The following CAMTA1 variants were observed in gnomAD, a reference collection of about 807,000 sequenced individuals.
CAMTA1 encodes calmodulin-binding transcription activator 1.
In CAMTA1, 27 loss-of-function variants were observed where a neutral mutation model predicts 170.9. The observed-to-expected ratio is 0.16, with a 90% CI of 0.12 to 0.22. The LOEUF (loss-of-function observed/expected upper bound fraction) is 0.22. Among genes scored for constraint, CAMTA1 ranks in the 10% least tolerant of loss-of-function variants. The probability of loss-of-function intolerance (pLI) is 1.00; values close to 1 mark genes in which losing one functional copy is unlikely to be tolerated. For missense variants in CAMTA1, 1,619 were observed against 2,217.2 expected, an observed-to-expected ratio of 0.73 and a Z score of 5.42; for synonymous variants, 833 against 891.5, an observed-to-expected ratio of 0.93 and a Z score of 1.17.
chr1:7,371,751 G>A (rs553428206), intron 5 of CAMTA1, among the ~76,000 whole-genome samples: 1 of 152,316 alleles, frequency 6.6e-6, no homozygotes, highest in African/African-American at 2.4e-5. Context: ...AGATGAACCC[G>A]TTTCCATGAT....
At chr1:7,728,770 A>G (rs1482986816) in intron 11 of CAMTA1, among the ~76,000 whole-genome samples, 1 of 152,186 alleles carries the variant, frequency 6.6e-6, no homozygotes, top group African/African-American at 2.4e-5. Flanking sequence ...CATGGAAGAG[A>G]CCTGTGATCT....
intron 4 of CAMTA1, among the ~76,000 whole-genome samples, chr1:7,197,678 A>ACACACACACACACACACACACACT (rs57819326): frequency 7.2e-6 from 1 of 139,138 alleles, no homozygotes; most frequent in East Asian, 2.2e-4. Flanking sequence ...ACACACACAC[A>ACACACACACACACACACACACACT]ATCTACTTGC....
intron 4 of CAMTA1, among the ~76,000 whole-genome samples, chr1:7,163,175 G>A (rs958400622): frequency 5.3e-5 from 8 of 151,924 alleles, no homozygotes; most frequent in Admixed American, 5.2e-4. Context: ...GAATGACTGG[G>A]TGATAGTCCT....
chr1:7,645,799 C>T (rs1428431792), intron 7 of CAMTA1, among the ~76,000 whole-genome samples: 1 of 152,276 alleles, frequency 6.6e-6, no homozygotes, highest in Non-Finnish European at 1.5e-5. Flanking sequence ...AGCCCCAGGG[C>T]CTACGCCCAC....
At chr1:7,360,033 T>C (rs952180575) in intron 5 of CAMTA1, among the ~76,000 whole-genome samples, 1 of 152,282 alleles carries the variant, frequency 6.6e-6, no homozygotes, top group South Asian at 2.1e-4. Context: ...TCAGTGTTCC[T>C]TGGCTTGTAG....
At chr1:7,478,199 C>T (rs911433564) in intron 6 of CAMTA1, among the ~76,000 whole-genome samples, 7 of 152,034 alleles carry the variant, frequency 4.6e-5, no homozygotes, top group East Asian at 1.9e-4. Context: ...TAGCAGTGGT[C>T]GGGGAAGGGG....
At chr1:7,605,151 A>T (rs2150607196) in intron 6 of CAMTA1, among the ~76,000 whole-genome samples, 3 of 152,336 alleles carry the variant, frequency 2.0e-5, no homozygotes, top group Middle Eastern at 6.8e-3. Context: ...TTGAGGACGC[A>T]GTCTGTCCAT....
rs967319317 is a variant in CAMTA1 at position 7,050,986 on chromosome 1, G to A, written c.235-40318G>A. ...GAGAATGACTGTGCTGCCTCTTTCC[G>A]GGGTGTAATTTGAGTTTGCATGTGG... On this transcript the variant is annotated intron_variant, in intron 3 of 22. Coordinates refer to ENST00000303635, the MANE Select transcript of CAMTA1 (RefSeq NM_015215.4). The surrounding 1 kb of genome is among the most constrained non-coding windows in gnomAD (Gnocchi z 4.8). 3.9e-5 allele frequency among the ~76,000 whole-genome samples: 6 copies of A among 152,190 alleles called. No individual in the cohort carries two copies. Among genetic ancestry groups the A allele is most frequent in the African/African-American group, 9.7e-5 (4 of 41,434 alleles).
At chr1:7,765,280 G>C (rs1312011519) in intron 22 of CAMTA1, among the ~76,000 whole-genome samples, 1 of 152,162 alleles carries the variant, frequency 6.6e-6, no homozygotes, top group African/African-American at 2.4e-5. Flanking sequence ...AATTGTCAGT[G>C]TAGAGAAATA....
chr1:7,433,678 T>C (rs2092255345), intron 5 of CAMTA1, among the ~76,000 whole-genome samples: 1 of 152,206 alleles, frequency 6.6e-6, no homozygotes, highest in Admixed American at 6.5e-5. Context: ...TCCATTTAGA[T>C]AATATCATTG....
In CAMTA1 at chr1:7,576,828, T is replaced by C. The variant is rs57511197; in HGVS notation, c.511-63572T>C. On this transcript the variant is annotated intron_variant, in intron 6 of 22. Coordinates refer to ENST00000303635, the MANE Select transcript of CAMTA1 (RefSeq NM_015215.4). ...CAGGAAGGTCGGATTGTAGGAAAGA[T>C]TGCCTGGCAGGGGTGTGCAGGATCC... Among the ~76,000 whole-genome samples, 594 of 152,102 alleles carry C rather than the reference T, an allele frequency of 3.9e-3. 5 individuals are homozygous for C. The highest frequency in any genetic ancestry group is 0.013 in the African/African-American group (543 of 41,492).
rs1391169518 is a variant in CAMTA1 at position 7,216,856 on chromosome 1, C to T, written c.303-32635C>T. 6.6e-6 allele frequency among the ~76,000 whole-genome samples: 1 copy of T among 152,114 alleles called. No homozygotes were observed. Among genetic ancestry groups the T allele is most frequent in the Non-Finnish European group, 1.5e-5 (1 of 68,028 alleles). ...AAAGTGGTTGTAGTCTTGTTTGGTG[C>T]ACTAATACTCATTATGGTTATATTT... On this transcript the variant is annotated intron_variant, in intron 4 of 22. Coordinates refer to ENST00000303635, the MANE Select transcript of CAMTA1 (RefSeq NM_015215.4). The surrounding 1 kb of genome is among the most constrained non-coding windows in gnomAD (Gnocchi z 4.0).
intron 5 of CAMTA1, among the ~76,000 whole-genome samples, chr1:7,348,583 C>A (rs113422204): frequency 8.3e-4 from 127 of 152,342 alleles, no homozygotes; most frequent in African/African-American, 2.9e-3. Flanking sequence ...GTGGTCCCTG[C>A]AGGAGAACTT....
At chr1:7,077,274 G>C (rs1558062904) in intron 3 of CAMTA1, among the ~76,000 whole-genome samples, 2 of 132,176 alleles carry the variant, frequency 1.5e-5, no homozygotes, top group East Asian at 2.4e-4. Context: ...TATGAAAGAA[G>C]CTTCTGTTTT....
rs1035249810 is a variant in CAMTA1, at chr1:6,786,326, C to G, written c.45+751C>G. 3.3e-5 allele frequency among the ~76,000 whole-genome samples: 5 copies of G among 152,126 alleles called. No individual in the cohort carries two copies. In the South Asian group the frequency reaches 1.0e-3, roughly 31 times the overall value. On this transcript the variant is annotated intron_variant, in intron 1 of 22. Coordinates refer to ENST00000303635, the MANE Select transcript of CAMTA1 (RefSeq NM_015215.4). ...CAGTCGTTCACATCCTACTCTTGCC[C>G]TTGCACCCTCACAGCCAGGAGGGTG... is the stretch of plus-strand genomic sequence containing the variant.
At position 7,562,217 on chromosome 1, in the gene CAMTA1, T is replaced by A. The variant is rs146311536; in HGVS notation, c.511-78183T>A. On this transcript the variant is annotated intron_variant, in intron 6 of 22. Coordinates refer to ENST00000303635, the MANE Select transcript of CAMTA1 (RefSeq NM_015215.4). This position sits in a 1 kb window ranked among gnomAD's most constrained non-coding sequence, Gnocchi z 4.8. ...CCGGCCCCTCCCAAATCTGCTATTG[T>A]AAGCACTACACAAAACTTTAAAGAA... Among the ~76,000 whole-genome samples, 264 of 152,340 alleles carry A rather than the reference T, an allele frequency of 1.7e-3. 1 individual carries two copies. Among genetic ancestry groups the A allele is most frequent in the African/African-American group, 6.3e-3 (260 of 41,584 alleles).
At chr1:7,316,848 TGA>T (rs1257597441) in intron 5 of CAMTA1, among the ~76,000 whole-genome samples, 2 of 152,146 alleles carry the variant, frequency 1.3e-5, no homozygotes, top group African/African-American at 4.8e-5. Flanking sequence ...CAGAGGCTTT[TGA>T]GCTGAAACTT....
chr1:7,094,620 G>A (rs1641851869), intron 4 of CAMTA1, among the ~76,000 whole-genome samples: 1 of 152,118 alleles, frequency 6.6e-6, no homozygotes, highest in Non-Finnish European at 1.5e-5. Context: ...TATAAATATA[G>A]TCCTTGCTCA....
intron 5 of CAMTA1, among the ~76,000 whole-genome samples, chr1:7,460,435 C>G (rs908244257): frequency 3.3e-5 from 5 of 152,228 alleles, no homozygotes; most frequent in Admixed American, 1.3e-4. Context: ...TCTCTCTCCT[C>G]TACGAGACTG....
Sources: allele counts gnomAD v4.1 joint callset (sites outside exome capture counted in the v4.1 genomes callset), GRCh38; gene constraint gnomAD v4.1.1; non-coding constraint Gnocchi (gnomAD v3.1); transcripts MANE v1.5; gene names NCBI Gene and HGNC (gene_info 2026-07-23, HGNC 2026-07-21).